The following FAN1 variants were observed in gnomAD, a reference collection of about 807,000 sequenced individuals.
The protein encoded by FAN1 is FANCD2 and FANCI associated nuclease 1.
FAN1 carries 91 observed loss-of-function variants against 104.9 expected under a neutral mutation model. The observed-to-expected ratio is 0.87, with a 90% CI of 0.73 to 1.03. The LOEUF is 1.03. FAN1 is among the 50% of genes least tolerant of loss of function. FAN1 has a pLI of 0.00. For missense variants in FAN1, 1,263 were observed against 1,239.9 expected (o/e 1.02, Z -0.28); for synonymous variants, 478 against 457.6 (o/e 1.04, Z -0.57).
intron 3 of FAN1, 139 bp downstream of exon 3, chr15:30,908,397 CT>C: frequency 1.6e-6 from 1 of 644,198 alleles, no homozygotes; most frequent in Non-Finnish European, 2.5e-6. Context: ...AATTTTTAAT[CT>C]TAGGACAACA....
chr15:30,919,877 A>G (rs966539578), intron 6 of FAN1, among the ~76,000 whole-genome samples: 1 of 152,168 alleles, frequency 6.6e-6, no homozygotes, highest in Non-Finnish European at 1.5e-5. Flanking sequence ...GAAAATCCAC[A>G]TATAAGTGGA....
At chr15:30,936,997 T>TA (rs1566937078) in intron 13 of FAN1, 122 bp from the exon 14 acceptor site, 2 of 772,386 alleles carry the variant, frequency 2.6e-6, no homozygotes, top group Admixed American at 2.5e-5. Context: ...GTGTTACACT[T>TA]ACAAATACAG....
chr15:30,910,164 C>G (rs1266442126), intron 3 of FAN1, among the ~76,000 whole-genome samples: 1 of 152,218 alleles, frequency 6.6e-6, no homozygotes. Context: ...AGGTTGGTGT[C>G]GGGGCCCACA....
chr15:30,910,953 A>C lies in FAN1; in HGVS notation c.1577+138A>C, dbSNP rs1020318544. On this transcript the variant is annotated intron_variant, in intron 4 of 14. Coordinates refer to ENST00000362065, the MANE Select transcript of FAN1 (RefSeq NM_014967.5). ...GATTGAGAAGGCTGGAAAAGCCTTA[A>C]TTGCAATAGCCTGGATTCTTTCTTG... is the stretch of plus-strand genomic sequence containing the variant. 9 of 1,380,872 alleles carry C rather than the reference A, an allele frequency of 6.5e-6. No homozygotes were observed. In the African/African-American group the frequency reaches 8.8e-5, roughly 14 times the overall value. 85.5% of individuals were successfully genotyped at this position (1,380,872 alleles called of 1,614,324 possible). A position where few individuals can be genotyped will look rare whatever the true frequency, so the allele number is the denominator to read the frequency against.
chr15:30,937,252 G>C lies in FAN1; in HGVS notation c.3050G>C (p.Ser1017Thr), dbSNP rs1379882900. The change falls in exon 14 of 15, where the codon AGC (serine) becomes ACC (threonine). Residue 1017 changes from serine (S) to threonine (T), a missense_variant. Ser to Thr is a moderately conservative substitution (Grantham distance 58, BLOSUM62 1). Around this residue, in one of 2 missense-constraint regions of FAN1, gnomAD observed 581 missense variants for 668.8 expected, o/e 0.87. Transcript: ENST00000362065. ...GTTGGAGCTAAGAGCCAAAGCCTTA[G>C]CTAAAAGGTATGGAATTGGGGATAT... Reference protein sequence around the residue: ...VAVGAKSQSLS With the variant: ...VAVGAKSQSLT The C allele has an allele frequency of 1.2e-6, 2 of 1,611,286 alleles. No individual in the cohort carries two copies. The highest frequency in any genetic ancestry group is 1.7e-6 in the Non-Finnish European group (2 of 1,179,364).
intron 13 of FAN1, among the ~76,000 whole-genome samples, chr15:30,935,043 C>T (rs1000470809): frequency 1.4e-4 from 22 of 152,046 alleles, no homozygotes; most frequent in African/African-American, 4.6e-4. Flanking sequence ...TTTCCTTTCA[C>T]GCCTGTAATT....
chr15:30,914,166 C>T (rs1006466967), intron 5 of FAN1, 75 bp downstream of exon 5: 117 of 1,130,092 alleles, frequency 1.0e-4, no homozygotes, highest in Non-Finnish European at 1.4e-4. Flanking sequence ...TTATTTTTTT[C>T]CAGCCAAAGT....
Position 30,930,686 on chromosome 15 carries a change from A to C in FAN1, c.2916+15A>C. ...GTCACTTTAAGGTCAGTTGAGGCAG[A>C]ATGGAAAGTCCTGTTGGTAACCTTA... On this transcript the variant is annotated intron_variant, in intron 13 of 14. Transcript: ENST00000362065. The C allele has an allele frequency of 6.2e-7, 1 of 1,612,322 alleles. No individual in the cohort carries two copies. The highest frequency in any genetic ancestry group is 8.5e-7 in the Non-Finnish European group (1 of 1,179,350).
chr15:30,941,158 T>TATCA (rs928282529), intron 14 of FAN1: 1 of 1,219,816 alleles, frequency 8.2e-7, no homozygotes, highest in African/African-American at 1.6e-5. Context: ...TGTGACTGAC[T>TATCA]ATCAGATAGC....
rs185356346 is a variant in FAN1 at position 30,925,350 on chromosome 15, C to T, written c.2337+59C>T. The T allele has an allele frequency of 4.4e-3, 6,442 of 1,469,644 alleles. 30 individuals are homozygous for T. Among genetic ancestry groups the T allele is most frequent in the South Asian group, 9.6e-3 (781 of 81,426 alleles). 91.0% of individuals were successfully genotyped at this position (1,469,644 alleles called of 1,614,324 possible). A position where few individuals can be genotyped will look rare whatever the true frequency, so the allele number is the denominator to read the frequency against. On this transcript the variant is annotated intron_variant, in intron 9 of 14. Transcript: ENST00000362065. ...GGCGCGTGTACCTGGTTTTTTTGGA[C>T]CAGAAGCATCCTAAGAGCTGTTTTG...
rs373501892 is a variant in FAN1 at position 30,942,304 on chromosome 15, G to A, written c.*742G>A. The A allele has an allele frequency of 6.8e-5, 40 of 588,208 alleles. 1 individual carries two copies. Among genetic ancestry groups the A allele is most frequent in the Non-Finnish European group, 1.0e-4 (35 of 337,784 alleles). 36.4% of individuals were successfully genotyped at this position (588,208 alleles called of 1,614,324 possible). ...CTATCAGCCTGAATGGGGGCGGGAT[G>A]AGAGTACCTCCTATCCACTAATTTG... On this transcript the variant is annotated 3_prime_UTR_variant, in exon 15 of 15. Transcript: ENST00000362065.
chr15:30,904,817 C>G lies in FAN1; in HGVS notation c.154C>G (p.Pro52Ala), dbSNP rs766068846. 1 of 1,613,442 alleles carries G rather than the reference C, an allele frequency of 6.2e-7. No homozygotes were observed. Among genetic ancestry groups the G allele is most frequent in the Non-Finnish European group, 8.5e-7 (1 of 1,179,500 alleles). ...CTGCCCCGTTTGCAGTAAAATGGTG[C>G]CTAGATATGACTTAAACCGGCACCT... ...LACPVCSKMV[P>A]RYDLNRHLDE... Residue 52 changes from proline to alanine, a missense_variant, in exon 2 of 15, where the codon CCT becomes GCT. Physicochemically the swap from Pro to Ala is conservative, Grantham distance 27. Transcript: ENST00000362065.
Position 30,905,375 on chromosome 15 carries a change from G to A in FAN1, c.712G>A (p.Glu238Lys). The A allele has an allele frequency of 1.2e-6, 2 of 1,614,024 alleles. No homozygotes were observed. Among genetic ancestry groups the A allele is most frequent in the Non-Finnish European group, 1.7e-6 (2 of 1,179,982 alleles). Residue 238 changes from glutamate to lysine, a missense_variant, in exon 2 of 15, where the codon GAA becomes AAA. By Grantham distance (56) the Glu-to-Lys change is moderately conservative. Coordinates refer to ENST00000362065, the MANE Select transcript of FAN1 (RefSeq NM_014967.5). The stretch of plus-strand genomic sequence containing the variant: ...TATGGTAAGAGGAAGTAAAATAATG[G>A]AAGCCGAAAGCCAAAAGGCTACCCG... ...EHMVRGSKIMEAESQKATREC... is the reference protein window; with the variant it reads ...EHMVRGSKIMKAESQKATREC...
At chr15:30,941,205 A>C in intron 14 of FAN1, 5 of 1,371,008 alleles carry the variant, frequency 3.6e-6, no homozygotes, top group Non-Finnish European at 2.9e-6. Context: ...TGGAGACAAA[A>C]ATGTAGCAGA....
chr15:30,904,967 T>G lies in FAN1; in HGVS notation c.304T>G (p.Ser102Ala). 1.2e-6 allele frequency: 2 copies of G among 1,613,920 alleles called. No homozygotes were observed. Among genetic ancestry groups the G allele is most frequent in the Non-Finnish European group, 1.7e-6 (2 of 1,180,000 alleles). The change falls in exon 2 of 15, where the codon TCA becomes GCA. Residue 102 changes from serine (S) to alanine (A), a missense_variant. Around this residue, in one of 2 missense-constraint regions of FAN1, gnomAD observed 682 missense variants for 571.1 expected, o/e 1.19. Coordinates refer to ENST00000362065, the MANE Select transcript of FAN1 (RefSeq NM_014967.5). Reference protein sequence around the residue: ...VTLEDVTPKKSPPPKTNLTPG... With the variant: ...VTLEDVTPKKAPPPKTNLTPG... ...CTTAGAAGATGTAACACCTAAGAAG[T>G]CACCACCACCAAAGACAAATTTAAC...
Position 30,908,239 on chromosome 15 carries a change from T to C in FAN1, c.1356T>C (p.Asn452=), listed in dbSNP as rs745320524. 1 of 1,606,760 alleles carries C rather than the reference T, an allele frequency of 6.2e-7. No homozygotes were observed. The highest frequency in any genetic ancestry group is 1.1e-5 in the South Asian group (1 of 88,702). Residue 452 remains asparagine (N), a synonymous_variant, in exon 3 of 15, where the codon AAT becomes AAC. Transcript: ENST00000362065. ...DLTPVIEELT[N]AGFLQTESEL... ...CACCTGTGATTGAAGAATTGACGAATGCAGGCTTTCTACAGACAGGTATGA... is the reference window on the plus strand; with the variant it reads ...CACCTGTGATTGAAGAATTGACGAACGCAGGCTTTCTACAGACAGGTATGA...
chr15:30,920,132 G>A (rs778461249), intron 6 of FAN1, among the ~76,000 whole-genome samples: 6 of 152,214 alleles, frequency 3.9e-5, no homozygotes, highest in Non-Finnish European at 8.8e-5. Context: ...GAGCCTGGCT[G>A]TGTTCCAGTT....
At chr15:30,935,701 T>C (rs1417149619) in intron 13 of FAN1, among the ~76,000 whole-genome samples, 1 of 152,224 alleles carries the variant, frequency 6.6e-6, no homozygotes, top group African/African-American at 2.4e-5. Flanking sequence ...GTTTTGTATG[T>C]CTTAGCCTTT....
chr15:30,907,952 AATT>A lies in FAN1; in HGVS notation c.1235-165_1235-163del, dbSNP rs1208501765. Among the ~76,000 whole-genome samples, 3 of 152,218 alleles carry A rather than the reference AATT, an allele frequency of 2.0e-5. No homozygotes were observed. In the East Asian group the frequency reaches 5.8e-4, roughly 29 times the overall value. On this transcript the variant is annotated intron_variant, in intron 2 of 14. Transcript: ENST00000362065. ...TCTTAGAAGTTTTAAAATGACCAAT[AATT>A]GTTACCAAATTTTTAAATGTACTTT...
Sources: allele counts gnomAD v4.1 joint callset (sites outside exome capture counted in the v4.1 genomes callset), GRCh38; gene constraint gnomAD v4.1.1; regional missense constraint gnomAD v4.1.1; transcripts MANE v1.5; gene names NCBI Gene and HGNC (gene_info 2026-07-23, HGNC 2026-07-21).